Variants in SIPA1L3 observed in about 807,000 individuals in gnomAD.
The protein encoded by SIPA1L3 is signal induced proliferation associated 1 like 3.
Under a neutral mutation model 150.1 loss-of-function variants are expected in SIPA1L3, and 59 were observed. That is an observed-to-expected ratio of 0.39 (90% confidence interval 0.32 to 0.49). The LOEUF is 0.49. Among genes scored for constraint, SIPA1L3 ranks in the 20% least tolerant of loss-of-function variants. The pLI, the probability that SIPA1L3 is intolerant of heterozygous loss-of-function variation, is 0.86. For missense variants in SIPA1L3, 2,211 were observed against 2,489.5 expected (o/e 0.89, Z 2.38); for synonymous variants, 1,070 against 1,077.6 (o/e 0.99, Z 0.14).
At chr19:38,080,657 A>G (rs1438868901) in intron 2 of SIPA1L3, among the ~76,000 whole-genome samples, 2 of 152,084 alleles carry the variant, frequency 1.3e-5, no homozygotes, top group Non-Finnish European at 2.9e-5. Context: ...ACAAGCTAAA[A>G]TATTTATGGG....
At chr19:37,938,582 G>C (rs1167148443) in intron 1 of SIPA1L3, among the ~76,000 whole-genome samples, 3 of 150,466 alleles carry the variant, frequency 2.0e-5, no homozygotes, top group African/African-American at 4.9e-5. Flanking sequence ...TCTGGATATT[G>C]CTTGCTCATC....
chr19:38,145,285 A>G (rs1182679023), intron 12 of SIPA1L3, among the ~76,000 whole-genome samples: 2 of 152,056 alleles, frequency 1.3e-5, no homozygotes, highest in Admixed American at 1.3e-4. Flanking sequence ...TAATCCCTGC[A>G]CTTTGGGAGG....
chr19:37,924,006 C>G (rs2046479472), intron 1 of SIPA1L3, among the ~76,000 whole-genome samples: 1 of 152,122 alleles, frequency 6.6e-6, no homozygotes, highest in East Asian at 1.9e-4. Context: ...AACTCCTACC[C>G]TCTGGTGATC....
At chr19:38,043,378 AAGAAATAG>A (rs1470338676) in intron 2 of SIPA1L3, among the ~76,000 whole-genome samples, 2 of 152,162 alleles carry the variant, frequency 1.3e-5, no homozygotes, top group African/African-American at 2.4e-5. Flanking sequence ...AAGAGAAAGA[AAGAAATAG>A]AGAAAAAGCG....
At chr19:38,196,057 G>A (rs1972922792) in intron 18 of SIPA1L3, among the ~76,000 whole-genome samples, 1 of 152,106 alleles carries the variant, frequency 6.6e-6, no homozygotes, top group African/African-American at 2.4e-5. Flanking sequence ...GTCCCGTCTG[G>A]CCTCAGTGTG....
intron 16 of SIPA1L3, chr19:38,185,083 G>A (rs1211047989): frequency 1.3e-5 from 2 of 152,488 alleles, no homozygotes; most frequent in Non-Finnish European, 2.9e-5. Context: ...GCTCCCTCCA[G>A]ATCTTCTTGG....
intron 1 of SIPA1L3, among the ~76,000 whole-genome samples, chr19:37,909,429 G>A (rs1360779636): frequency 1.3e-5 from 2 of 151,874 alleles, no homozygotes; most frequent in Non-Finnish European, 2.9e-5. Context: ...GGCTGGTCTT[G>A]AACTCCTGAC....
chr19:38,103,946 A>G (rs1970565684), intron 6 of SIPA1L3, among the ~76,000 whole-genome samples: 1 of 151,174 alleles, frequency 6.6e-6, no homozygotes, highest in Admixed American at 6.6e-5. Context: ...ATATATATGT[A>G]TATGATATAT....
intron 3 of SIPA1L3, among the ~76,000 whole-genome samples, chr19:38,088,488 G>A (rs1160116809): frequency 6.6e-6 from 1 of 152,250 alleles, no homozygotes; most frequent in Non-Finnish European, 1.5e-5. Flanking sequence ...TCAGATGAGA[G>A]CGCTGAGGCT....
chr19:38,193,008 G>T (rs1972837787), intron 17 of SIPA1L3, among the ~76,000 whole-genome samples: 1 of 152,112 alleles, frequency 6.6e-6, no homozygotes, highest in African/African-American at 2.4e-5. Context: ...GGGTTGGGGA[G>T]TGGGAGTCCC....
chr19:38,091,657 G>A (rs1037980227), intron 4 of SIPA1L3, among the ~76,000 whole-genome samples: 2 of 152,126 alleles, frequency 1.3e-5, no homozygotes, highest in Non-Finnish European at 2.9e-5. Context: ...CGCCGCACTC[G>A]GCTGCCTCTG....
chr19:37,943,344 G>T (rs892763225), intron 1 of SIPA1L3, among the ~76,000 whole-genome samples: 2 of 152,032 alleles, frequency 1.3e-5, no homozygotes. Flanking sequence ...CCCACAGTCC[G>T]ACCACGCTCT....
intron 12 of SIPA1L3, among the ~76,000 whole-genome samples, chr19:38,147,894 C>T (rs545355987): frequency 1.6e-4 from 25 of 152,146 alleles, no homozygotes; most frequent in African/African-American, 4.1e-4. Context: ...GATGAGAACC[C>T]GGGACTATGG....
intron 2 of SIPA1L3, among the ~76,000 whole-genome samples, chr19:38,031,013 C>T (rs893458403): frequency 2.6e-5 from 4 of 152,126 alleles, no homozygotes; most frequent in African/African-American, 9.7e-5. Context: ...TTTAGTGGGT[C>T]TCATCACATT....
At chr19:38,110,206 C>T (rs763074684) in intron 7 of SIPA1L3, 21 bp from the exon 8 acceptor site, 1 of 1,612,312 alleles carries the variant, frequency 6.2e-7, no homozygotes, top group South Asian at 1.1e-5. Flanking sequence ...GTTCCTGTCC[C>T]CCTCTGTTGC....
chr19:38,169,262 G>A (rs1476736922), intron 15 of SIPA1L3, among the ~76,000 whole-genome samples: 5 of 152,058 alleles, frequency 3.3e-5, no homozygotes, highest in African/African-American at 7.2e-5. Flanking sequence ...GGTGGTGCAC[G>A]CCTGTGGTCC....
At chr19:37,989,287 A>G (rs1051730907) in intron 1 of SIPA1L3, among the ~76,000 whole-genome samples, 4 of 150,796 alleles carry the variant, frequency 2.7e-5, no homozygotes, top group African/African-American at 4.9e-5. Flanking sequence ...TAGCACAGTC[A>G]TAGCTCACTG....
At chr19:38,161,072 G>A (rs538178504) in intron 13 of SIPA1L3, among the ~76,000 whole-genome samples, 5 of 152,216 alleles carry the variant, frequency 3.3e-5, no homozygotes, top group South Asian at 4.2e-4. Flanking sequence ...GGCCGGGCAC[G>A]GTGGCTCACA....
At chr19:38,149,701 C>G (rs1182117915) in intron 12 of SIPA1L3, among the ~76,000 whole-genome samples, 1 of 152,196 alleles carries the variant, frequency 6.6e-6, no homozygotes, top group Non-Finnish European at 1.5e-5. Context: ...AAGGCATCCA[C>G]AGCACACTCA....
Sources: allele counts gnomAD v4.1 joint callset (sites outside exome capture counted in the v4.1 genomes callset), GRCh38; gene constraint gnomAD v4.1.1; transcripts MANE v1.5; gene names NCBI Gene and HGNC (gene_info 2026-07-23, HGNC 2026-07-21).